MOB1A: variants seen among roughly 807,000 people sequenced by gnomAD.
MOB1A encodes MOB kinase activator 1A, also known as MOB1 Mps One Binder homolog A.
MOB1A carries 10 observed loss-of-function variants against 25.1 expected under a neutral mutation model. The ratio of observed to expected loss-of-function variants is 0.40; its 90% confidence interval spans 0.25 to 0.68. The LOEUF is 0.68. Among genes scored for constraint, MOB1A ranks in the 30% least tolerant of loss-of-function variants. MOB1A has a pLI of 0.40. For missense variants in MOB1A, 177 were observed against 256.3 expected (o/e 0.69, Z 2.11); for synonymous variants, 81 against 79.5 (o/e 1.02, Z -0.10).
In MOB1A at chr2:74,178,760, T is replaced by G; in HGVS notation, c.-86A>C. 1.7e-6 allele frequency: 1 copy of G among 602,770 alleles called. No homozygotes were observed. The allele number at this position is 602,770 out of a possible 1,614,324, so 37.3% of individuals were successfully genotyped here. On this transcript the variant is annotated 5_prime_UTR_variant, in exon 1 of 6. Coordinates refer to ENST00000396049, the MANE Select transcript of MOB1A (RefSeq NM_018221.5). ...CTGGCTAGAGGGAGCGGACCGTCCTTAGCTCACGGGCAGCGGAAGCCGGGC... is the reference window on the plus strand; with the variant it reads ...CTGGCTAGAGGGAGCGGACCGTCCTGAGCTCACGGGCAGCGGAAGCCGGGC...
At chr2:74,162,225 A>G (rs1420619624) in intron 4 of MOB1A, among the ~76,000 whole-genome samples, 1 of 152,122 alleles carries the variant, frequency 6.6e-6, no homozygotes, top group Non-Finnish European at 1.5e-5. Flanking sequence ...TCATGCCTGT[A>G]ATTCCAGCAC....
Position 74,156,433 on chromosome 2 carries a change from A to G in MOB1A, c.*135T>C. ...ACCAACCTACCTTTGGGATAATTTT[A>G]TCAGTAGACACAGGCAATGGGTATC... On this transcript the variant is annotated 3_prime_UTR_variant, in exon 6 of 6. Coordinates refer to ENST00000396049, the MANE Select transcript of MOB1A (RefSeq NM_018221.5). 4.1e-6 allele frequency: 3 copies of G among 730,988 alleles called. No individual in the cohort carries two copies. Among genetic ancestry groups the G allele is most frequent in the Admixed American group, 5.4e-5 (2 of 37,232 alleles). The allele number at this position is 730,988 out of a possible 1,614,324, so 45.3% of individuals were successfully genotyped here.
chr2:74,178,682 C>A lies in MOB1A; in HGVS notation c.-8G>T. The A allele has an allele frequency of 1.5e-6, 2 of 1,344,924 alleles. No homozygotes were observed. The highest frequency in any genetic ancestry group is 4.1e-5 in the South Asian group (2 of 49,218). The allele number at this position is 1,344,924 out of a possible 1,614,324, so 83.3% of individuals were successfully genotyped here. On this transcript the variant is annotated 5_prime_UTR_variant, in exon 1 of 6. Coordinates refer to ENST00000396049, the MANE Select transcript of MOB1A (RefSeq NM_018221.5). ...TCACAAGAGGAAGCTCATCTTCGGT[C>A]CTCAGAGGGGAGGCGAGGGGCCCCT...
rs1692689922 is a variant in MOB1A, at chr2:74,152,684, AATAG to A, written c.*3880_*3883del. 1.3e-5 allele frequency: 2 copies of A among 152,244 alleles called. No individual in the cohort carries two copies. Among genetic ancestry groups the A allele is most frequent in the Admixed American group, 6.5e-5 (1 of 15,282 alleles). The allele number at this position is 152,244 out of a possible 1,614,324, so 9.4% of individuals were successfully genotyped here. A position where few individuals can be genotyped will look rare whatever the true frequency, so the allele number is the denominator to read the frequency against. ...GAAGTACAGTTAACTGACTTAGAAA[AATAG>A]ATAAAGCCCCTAAGGATTTTAAAAC... On this transcript the variant is annotated 3_prime_UTR_variant, in exon 6 of 6. Transcript: ENST00000396049.
At position 74,155,716 on chromosome 2, in the gene MOB1A, AAT is replaced by A. The variant is rs1320804956; in HGVS notation, c.*850_*851del. Reference sequence around the variant, plus strand: ...CTCTGAAAAATAATGAAATAATAAAAATAGTGGTTTTGAGATCTAAATTTATT... The same window carrying A: ...CTCTGAAAAATAATGAAATAATAAAAAGTGGTTTTGAGATCTAAATTTATT... On this transcript the variant is annotated 3_prime_UTR_variant, in exon 6 of 6. Transcript: ENST00000396049. The A allele has an allele frequency of 3.3e-5, 5 of 152,576 alleles. No homozygotes were observed. The highest frequency in any genetic ancestry group is 1.5e-5 in the Non-Finnish European group (1 of 67,998). The allele number at this position is 152,576 out of a possible 1,614,324, so 9.5% of individuals were successfully genotyped here.
In MOB1A at chr2:74,154,561, A is replaced by C. The variant is rs536487072; in HGVS notation, c.*2007T>G. 9.9e-5 allele frequency: 15 copies of C among 152,052 alleles called. No individual in the cohort carries two copies. Among genetic ancestry groups the C allele is most frequent in the African/African-American group, 3.4e-4 (14 of 41,576 alleles). The allele number at this position is 152,052 out of a possible 1,614,324, so 9.4% of individuals were successfully genotyped here. ...AAGAGAGGGAACATTTCCATAACTG[A>C]AAATAAATGGAGAAAAGTGGTAACT... On this transcript the variant is annotated 3_prime_UTR_variant, in exon 6 of 6. Coordinates refer to ENST00000396049, the MANE Select transcript of MOB1A (RefSeq NM_018221.5).
chr2:74,164,830 T>C (rs1693080763), intron 4 of MOB1A: 1 of 152,628 alleles, frequency 6.6e-6, no homozygotes, highest in Non-Finnish European at 1.5e-5. Flanking sequence ...CATCAACATT[T>C]TTTAAATGCA....
At chr2:74,166,929 T>C (rs1293740136) in intron 3 of MOB1A, 85 bp downstream of exon 3, 3 of 970,314 alleles carry the variant, frequency 3.1e-6, no homozygotes, top group African/African-American at 1.6e-5. Context: ...CACAAACGGA[T>C]AACAAATCTT....
In MOB1A at chr2:74,178,764, T is replaced by A; in HGVS notation, c.-90A>T. The A allele has an allele frequency of 7.7e-6, 3 of 388,310 alleles. No homozygotes were observed. The highest frequency in any genetic ancestry group is 2.1e-5 in the African/African-American group (1 of 46,658). 24.1% of individuals were successfully genotyped at this position (388,310 alleles called of 1,614,324 possible). On this transcript the variant is annotated 5_prime_UTR_variant, in exon 1 of 6. Transcript: ENST00000396049. ...CTAGAGGGAGCGGACCGTCCTTAGCTCACGGGCAGCGGAAGCCGGGCCGCC... is the reference window on the plus strand; with the variant it reads ...CTAGAGGGAGCGGACCGTCCTTAGCACACGGGCAGCGGAAGCCGGGCCGCC...
intron 1 of MOB1A, among the ~76,000 whole-genome samples, chr2:74,176,927 A>G (rs1452640288): frequency 6.6e-6 from 1 of 152,146 alleles, no homozygotes; most frequent in Non-Finnish European, 1.5e-5. Context: ...TTCTGCTCCT[A>G]AGTATATACC....
chr2:74,174,198 G>A (rs1409104639), intron 1 of MOB1A, among the ~76,000 whole-genome samples: 2 of 150,976 alleles, frequency 1.3e-5, no homozygotes, highest in East Asian at 3.9e-4. Flanking sequence ...TTGAACCCAG[G>A]AGGCGGAGGT....
At chr2:74,171,305 A>T (rs1445646352) in intron 2 of MOB1A, among the ~76,000 whole-genome samples, 4 of 151,902 alleles carry the variant, frequency 2.6e-5, no homozygotes, top group South Asian at 4.2e-4. Context: ...AAAATAAAAA[A>T]AAAATAAAAA....
intron 1 of MOB1A, 104 bp downstream of exon 1, chr2:74,178,557 G>C: frequency 1.2e-6 from 1 of 812,640 alleles, no homozygotes; most frequent in South Asian, 4.0e-5. Flanking sequence ...CAGCTACCCC[G>C]CCCCCGCCTC....
rs1223759866 is a variant in MOB1A at position 74,153,720 on chromosome 2, T to C, written c.*2848A>G. On this transcript the variant is annotated 3_prime_UTR_variant, in exon 6 of 6. Coordinates refer to ENST00000396049, the MANE Select transcript of MOB1A (RefSeq NM_018221.5). ...TAACTGCATAATTTAGCAAGCACTC[T>C]CTACCCCATGACTGTAATCATGTAT... The C allele has an allele frequency of 6.6e-6, 1 of 152,178 alleles. No individual in the cohort carries two copies. The highest frequency in any genetic ancestry group is 1.5e-5 in the Non-Finnish European group (1 of 68,046). The allele number at this position is 152,178 out of a possible 1,614,324, so 9.4% of individuals were successfully genotyped here.
In MOB1A at chr2:74,152,730, T is replaced by C. The variant is rs533173108; in HGVS notation, c.*3838A>G. The C allele has an allele frequency of 6.6e-6, 1 of 152,330 alleles. No individual in the cohort carries two copies. The highest frequency in any genetic ancestry group is 2.4e-5 in the African/African-American group (1 of 41,570). 9.4% of individuals were successfully genotyped at this position (152,330 alleles called of 1,614,324 possible). On this transcript the variant is annotated 3_prime_UTR_variant, in exon 6 of 6. Coordinates refer to ENST00000396049, the MANE Select transcript of MOB1A (RefSeq NM_018221.5). ...TTTTAAAACACAACATAAATTTTTA[T>C]GTAAAGAACATTTAAAAATATTTTA...
At position 74,159,123 on chromosome 2, in the gene MOB1A, T is replaced by G. The variant is rs1251749582; in HGVS notation, c.541A>C (p.Thr181Pro). The G allele has an allele frequency of 6.2e-7, 1 of 1,613,898 alleles. No individual in the cohort carries two copies. Among genetic ancestry groups the G allele is most frequent in the Non-Finnish European group, 8.5e-7 (1 of 1,179,866 alleles). Residue 181 changes from threonine to proline, a missense_variant, in exon 5 of 6, where the codon ACC becomes CCC. Coordinates refer to ENST00000396049, the MANE Select transcript of MOB1A (RefSeq NM_018221.5). ...AAGAAAATAAAGTGCTTAAAGGAGG[T>G]GTTGAGGTGGGCCTCCTCTTGCAGC... ...MQLQEEAHLN[T>P]SFKHFIFFVQ...
At chr2:74,173,018 C>T (rs370370627) in intron 1 of MOB1A, among the ~76,000 whole-genome samples, 1 of 152,126 alleles carries the variant, frequency 6.6e-6, no homozygotes, top group East Asian at 1.9e-4. Context: ...CACCTGTAGT[C>T]CCAGCTACTT....
Position 74,154,192 on chromosome 2 carries a change from C to CAA in MOB1A, c.*2374_*2375dup, listed in dbSNP as rs58662857. 0.29 allele frequency: 21,899 copies of CAA among 75,840 alleles called. 2,903 individuals are homozygous for CAA. The highest frequency in any genetic ancestry group is 0.46 in the East Asian group (1,402 of 3,046). The allele number at this position is 75,840 out of a possible 1,614,324, so 4.7% of individuals were successfully genotyped here. A position where few individuals can be genotyped will look rare whatever the true frequency, so the allele number is the denominator to read the frequency against. On this transcript the variant is annotated 3_prime_UTR_variant, in exon 6 of 6. Coordinates refer to ENST00000396049, the MANE Select transcript of MOB1A (RefSeq NM_018221.5). Reference sequence around the variant, plus strand: ...TGGGTGACAGAGTGAGACTCTGTCTCAAAAAAAAAAAAAAAAAAGATTGAT... The same window carrying CAA: ...TGGGTGACAGAGTGAGACTCTGTCTCAAAAAAAAAAAAAAAAAAAAGATTGAT...
chr2:74,157,331 G>C (rs906650722), intron 5 of MOB1A, among the ~76,000 whole-genome samples: 3 of 151,896 alleles, frequency 2.0e-5, no homozygotes, highest in African/African-American at 7.3e-5. Context: ...CCTGGAGAGA[G>C]CATGGAAGCC....
Sources: allele counts gnomAD v4.1 joint callset (sites outside exome capture counted in the v4.1 genomes callset), GRCh38; gene constraint gnomAD v4.1.1; transcripts MANE v1.5; gene names NCBI Gene and HGNC (gene_info 2026-07-23, HGNC 2026-07-21).